The following CRPPA variants were observed in gnomAD, a reference collection of about 807,000 sequenced individuals.
CRPPA encodes the protein D-ribitol-5-phosphate cytidylyltransferase.
In CRPPA, 43 loss-of-function variants were observed where a neutral mutation model predicts 52.0. The ratio of observed to expected loss-of-function variants is 0.83; its 90% confidence interval spans 0.65 to 1.07. The LOEUF (loss-of-function observed/expected upper bound fraction) is 1.07. Among genes scored for constraint, CRPPA ranks in the 50% least tolerant of loss-of-function variants. The pLI is 0.00. For missense variants in CRPPA, 629 were observed against 551.7 expected, an observed-to-expected ratio of 1.14 and a Z score of -1.40; for synonymous variants, 250 against 203.5, an observed-to-expected ratio of 1.23 and a Z score of -1.94.
At chr7:16,343,302 T>A (rs1368750561) in intron 3 of CRPPA, among the ~76,000 whole-genome samples, 4 of 152,280 alleles carry the variant, frequency 2.6e-5, no homozygotes, top group Admixed American at 2.6e-4. Flanking sequence ...GTTGAAGTTG[T>A]AGCAGTTTAA....
Position 16,228,603 on chromosome 7 carries a change from C to T in CRPPA, c.1120-12406G>A, listed in dbSNP as rs796443180. ...TTTAATTTCCATGTATTTGTGAATT[C>T]TCCAAAGTCCTCCAGTTCCTCATTT... On this transcript the variant is annotated intron_variant, in intron 8 of 9. Coordinates refer to ENST00000407010, the MANE Select transcript of CRPPA (RefSeq NM_001101426.4). Among the ~76,000 whole-genome samples, 3 of 151,856 alleles carry T rather than the reference C, an allele frequency of 2.0e-5. No individual in the cohort carries two copies. The South Asian group carries it at 6.2e-4, about 31-fold the overall frequency.
chr7:16,316,723 G>C (rs796900395), intron 3 of CRPPA, among the ~76,000 whole-genome samples: 1 of 152,040 alleles, frequency 6.6e-6, no homozygotes, highest in African/African-American at 2.4e-5. Flanking sequence ...CATGTGTTGG[G>C]GTGCGTTCCT....
At chr7:16,399,037 G>C (rs1787709702) in intron 2 of CRPPA, among the ~76,000 whole-genome samples, 1 of 152,122 alleles carries the variant, frequency 6.6e-6, no homozygotes, top group Admixed American at 6.5e-5. Context: ...ACACGTTTAG[G>C]ACAGGTGACA....
chr7:16,087,937 TG>T lies in CRPPA; in HGVS notation c.*3757del, dbSNP rs1019455126. ...ATTCTGTAATTTGATTTTTATAAGA[TG>T]ATCACTGTATTTACATAAAGTTGAG... On this transcript the variant is annotated 3_prime_UTR_variant, in exon 10 of 10. Coordinates refer to ENST00000407010, the MANE Select transcript of CRPPA (RefSeq NM_001101426.4). The T allele has an allele frequency of 1.3e-5, 2 of 152,176 alleles. No homozygotes were observed. The highest frequency in any genetic ancestry group is 4.8e-5 in the African/African-American group (2 of 41,450). 9.4% of individuals were successfully genotyped at this position (152,176 alleles called of 1,614,324 possible).
At position 16,088,999 on chromosome 7, in the gene CRPPA, C is replaced by T. The variant is rs1781757649; in HGVS notation, c.*2696G>A. 1 of 222,026 alleles carries T rather than the reference C, an allele frequency of 4.5e-6. No homozygotes were observed. Among genetic ancestry groups the T allele is most frequent in the South Asian group, 5.5e-5 (1 of 18,032 alleles). 13.8% of individuals were successfully genotyped at this position (222,026 alleles called of 1,614,324 possible). ...GTTAGACAGGAATATAAGCTTAACA[C>T]TTATTATCAGTCTTCCTTATTTTAA... On this transcript the variant is annotated 3_prime_UTR_variant, in exon 10 of 10. Coordinates refer to ENST00000407010, the MANE Select transcript of CRPPA (RefSeq NM_001101426.4).
At chr7:16,274,231 A>G (rs1395313260) in intron 6 of CRPPA, among the ~76,000 whole-genome samples, 5 of 151,836 alleles carry the variant, frequency 3.3e-5, no homozygotes, top group Admixed American at 6.6e-5. Context: ...TTGTATTTTT[A>G]GTAGAGACAG....
At chr7:16,104,780 G>A (rs957101328) in intron 9 of CRPPA, among the ~76,000 whole-genome samples, 2 of 151,898 alleles carry the variant, frequency 1.3e-5, no homozygotes, top group African/African-American at 4.8e-5. Flanking sequence ...TGCGCCTGTA[G>A]TCCCAGCTAC....
intron 3 of CRPPA, among the ~76,000 whole-genome samples, chr7:16,324,745 G>T (rs1014134500): frequency 6.6e-5 from 10 of 152,286 alleles, no homozygotes; most frequent in Non-Finnish European, 1.3e-4. Context: ...ACAAAAATGA[G>T]ATGAAACCAG....
intron 3 of CRPPA, among the ~76,000 whole-genome samples, chr7:16,328,045 T>A (rs759182002): frequency 1.3e-5 from 2 of 152,230 alleles, no homozygotes; most frequent in African/African-American, 2.4e-5. Flanking sequence ...TCTCCTTTCA[T>A]CATATCTAAT....
chr7:16,338,517 GATT>G (rs10568828), intron 3 of CRPPA, among the ~76,000 whole-genome samples: 70,799 of 149,332 alleles, frequency 0.47, 16,691 homozygotes, highest in African/African-American at 0.54. Context: ...TTTCAACATA[GATT>G]ATTAACCTGG....
At chr7:16,226,858 TAGTC>T (rs2128401725) in intron 8 of CRPPA, among the ~76,000 whole-genome samples, 1 of 152,064 alleles carries the variant, frequency 6.6e-6, no homozygotes, top group South Asian at 2.1e-4. Context: ...GTATTAATTG[TAGTC>T]AGACTGTACA....
At chr7:16,167,994 C>T (rs2128384310) in intron 9 of CRPPA, among the ~76,000 whole-genome samples, 1 of 152,196 alleles carries the variant, frequency 6.6e-6, no homozygotes, top group East Asian at 1.9e-4. Context: ...TATTTTTTCC[C>T]TTCCCCTTTC....
intron 9 of CRPPA, among the ~76,000 whole-genome samples, chr7:16,123,451 C>G (rs1332451618): frequency 6.6e-6 from 1 of 151,994 alleles, no homozygotes; most frequent in Non-Finnish European, 1.5e-5. Flanking sequence ...AAACAAAATC[C>G]AAAAACTCCA....
At chr7:16,226,494 C>T (rs887006625) in intron 8 of CRPPA, among the ~76,000 whole-genome samples, 4 of 151,612 alleles carry the variant, frequency 2.6e-5, no homozygotes, top group Non-Finnish European at 4.4e-5. Flanking sequence ...ATTCAATGGT[C>T]GGCCAAATAA....
At chr7:16,152,688 T>G (rs903305453) in intron 9 of CRPPA, among the ~76,000 whole-genome samples, 21 of 152,004 alleles carry the variant, frequency 1.4e-4, no homozygotes, top group African/African-American at 4.8e-4. Flanking sequence ...CCTTAGTATT[T>G]CAACATGAAA....
intron 5 of CRPPA, among the ~76,000 whole-genome samples, chr7:16,286,594 T>A (rs2128419884): frequency 6.6e-6 from 1 of 152,150 alleles, no homozygotes; most frequent in East Asian, 1.9e-4. Context: ...AATTTCCTAA[T>A]TCTCCAATAA....
intron 9 of CRPPA, among the ~76,000 whole-genome samples, chr7:16,130,849 G>C (rs1309223639): frequency 1.3e-5 from 2 of 152,120 alleles, no homozygotes; most frequent in African/African-American, 4.8e-5. Context: ...TTGGAGGTAA[G>C]GCCTTTGGGG....
chr7:16,288,734 C>T lies in CRPPA; in HGVS notation c.836-10508G>A, dbSNP rs148362649. Among the ~76,000 whole-genome samples, 42 of 151,424 alleles carry T rather than the reference C, an allele frequency of 2.8e-4. No individual in the cohort carries two copies. The East Asian group carries it at 8.0e-3, about 29-fold the overall frequency. The stretch of plus-strand genomic sequence containing the variant: ...TGGTTATACATGCCTGTAATCCCAG[C>T]TACTCAGGAGGCTGAGGTAGGAAAT... On this transcript the variant is annotated intron_variant, in intron 5 of 9. Coordinates refer to ENST00000407010, the MANE Select transcript of CRPPA (RefSeq NM_001101426.4).
intron 2 of CRPPA, among the ~76,000 whole-genome samples, chr7:16,382,518 C>T (rs1342916337): frequency 6.6e-6 from 1 of 152,004 alleles, no homozygotes; most frequent in Non-Finnish European, 1.5e-5. Flanking sequence ...CTCTGTATTT[C>T]CTGAATCTGA....
Sources: gnomAD v4.1 joint callset for allele counts (sites outside exome capture counted in the v4.1 genomes callset) on GRCh38, gnomAD v4.1.1 for gene constraint, MANE v1.5 for transcripts, NCBI Gene and HGNC (gene_info 2026-07-23, HGNC 2026-07-21) for gene names.